Variants in ZNF827 observed in about 807,000 individuals in gnomAD.
ZNF827 encodes the protein zinc finger protein 827.
In ZNF827, 13 loss-of-function variants were observed where a neutral mutation model predicts 102.4. The ratio of observed to expected loss-of-function variants is 0.13; its 90% CI spans 0.08 to 0.20. The LOEUF (loss-of-function observed/expected upper bound fraction) is 0.20. Ranked by LOEUF, ZNF827 falls within the 10% of genes least tolerant of loss-of-function variation. ZNF827 has a pLI of 1.00. For missense variants in ZNF827, 1,103 were observed against 1,344.4 expected (o/e 0.82, Z 2.81); for synonymous variants, 523 against 536.2 (o/e 0.98, Z 0.34).
At chr4:145,931,537 C>T (rs1335405798) in intron 1 of ZNF827, among the ~76,000 whole-genome samples, 1 of 152,194 alleles carries the variant, frequency 6.6e-6, no homozygotes, top group Non-Finnish European at 1.5e-5. Context: ...AAACCTTATG[C>T]TGGAAATCCT....
At chr4:145,920,415 A>G (rs1303720441) in intron 1 of ZNF827, among the ~76,000 whole-genome samples, 1 of 152,138 alleles carries the variant, frequency 6.6e-6, no homozygotes, top group African/African-American at 2.4e-5. Context: ...TCCAACCACA[A>G]AAGTTCTCTC....
In ZNF827 at chr4:145,916,388, TAC is replaced by T. The variant is rs539210682; in HGVS notation, c.44-13175_44-13174del. ...TGGGGTGAACTGGGGGCATGAGCCG[TAC>T]GGGAATGTGGGGAGCAAAGACTTAC... is the stretch of plus-strand genomic sequence containing the variant. On this transcript the variant is annotated intron_variant, in intron 1 of 14. Coordinates refer to ENST00000508784, the MANE Select transcript of ZNF827 (RefSeq NM_001306215.2). Among the ~76,000 whole-genome samples, 400 of 152,282 alleles carry T rather than the reference TAC, an allele frequency of 2.6e-3. 2 individuals are homozygous for T. Among genetic ancestry groups the T allele is most frequent in the African/African-American group, 9.3e-3 (386 of 41,556 alleles).
intron 10 of ZNF827, 99 bp from the exon 11 acceptor site, chr4:145,774,771 G>A (rs1013329983): frequency 7.5e-7 from 1 of 1,331,728 alleles, no homozygotes; most frequent in Non-Finnish European, 1.0e-6. Context: ...CAAGAAAACT[G>A]GAATTTGAAA....
intron 3 of ZNF827, among the ~76,000 whole-genome samples, chr4:145,888,746 T>C (rs10003934): frequency 0.24 from 36,891 of 152,186 alleles, 4,905 homozygotes; most frequent in Non-Finnish European, 0.3. Flanking sequence ...ACCTTTTCTG[T>C]TCAATTTTAG....
chr4:145,909,675 A>G (rs1047104039), intron 1 of ZNF827, among the ~76,000 whole-genome samples: 1 of 152,242 alleles, frequency 6.6e-6, no homozygotes, highest in Non-Finnish European at 1.5e-5. Flanking sequence ...AATGACCTCT[A>G]TAATGTTTAA....
intron 1 of ZNF827, among the ~76,000 whole-genome samples, chr4:145,930,946 T>A (rs1283371184): frequency 2.6e-5 from 4 of 152,130 alleles, no homozygotes; most frequent in Non-Finnish European, 5.9e-5. Flanking sequence ...CAAGCCAAAG[T>A]CTGATTTTAA....
chr4:145,811,822 AT>A (rs1365946347), intron 8 of ZNF827, among the ~76,000 whole-genome samples: 1 of 152,186 alleles, frequency 6.6e-6, no homozygotes, highest in East Asian at 1.9e-4. Flanking sequence ...CGCTAAAATA[AT>A]TTATACTTGA....
chr4:145,907,811 T>C (rs757607367), intron 1 of ZNF827, among the ~76,000 whole-genome samples: 13 of 152,238 alleles, frequency 8.5e-5, no homozygotes, highest in Non-Finnish European at 1.8e-4. Flanking sequence ...TACACAACAG[T>C]CTGTTTTTGT....
chr4:145,796,419 TG>T lies in ZNF827; in HGVS notation c.2384-16909del, dbSNP rs199979219. Among the ~76,000 whole-genome samples, 932 of 152,216 alleles carry T rather than the reference TG, an allele frequency of 6.1e-3. 11 individuals are homozygous for T. Among genetic ancestry groups the T allele is most frequent in the African/African-American group, 0.021 (876 of 41,524 alleles). On this transcript the variant is annotated intron_variant, in intron 8 of 14. Transcript: ENST00000508784. ...GGAGCAAGGAGCAGTGAATTGTTGG[TG>T]GGGAAGGGTGGAAGGGAGACCTTAT... is the stretch of plus-strand genomic sequence containing the variant.
At chr4:145,864,838 CTAGAT>C (rs1748041464) in intron 5 of ZNF827, among the ~76,000 whole-genome samples, 1 of 152,142 alleles carries the variant, frequency 6.6e-6, no homozygotes, top group South Asian at 2.1e-4. Flanking sequence ...TACCACCTAA[CTAGAT>C]AACTTCCAAG....
chr4:145,930,201 T>C (rs779490810), intron 1 of ZNF827, among the ~76,000 whole-genome samples: 1 of 152,172 alleles, frequency 6.6e-6, no homozygotes, highest in Non-Finnish European at 1.5e-5. Flanking sequence ...CTTAGAAACA[T>C]CTATCACCCT....
intron 7 of ZNF827, among the ~76,000 whole-genome samples, chr4:145,842,494 C>T (rs945023279): frequency 1.3e-5 from 2 of 152,216 alleles, no homozygotes; most frequent in Non-Finnish European, 2.9e-5. Context: ...TGGGCTGCTA[C>T]ACTTTTCCTT....
chr4:145,886,008 C>T lies in ZNF827; in HGVS notation c.1417G>A (p.Asp473Asn), dbSNP rs771344817. Residue 473 changes from aspartate to asparagine, a missense_variant, in exon 4 of 15, where the codon GAT (aspartate) becomes AAT (asparagine). Physicochemically the swap from Asp to Asn is conservative, Grantham distance 23. Around this residue, in one of 5 missense-constraint regions of ZNF827, gnomAD observed 157 missense variants for 211.7 expected, o/e 0.74. Transcript: ENST00000508784. Reference protein sequence around the residue: ...AKVKEEIPDPDVKGSPHLSDS... With the variant: ...AKVKEEIPDPNVKGSPHLSDS... ...CTGAGGTGGGGAGATCCCTTGACATCTGGGTCTGGGATCTCCTCCTTCACC... is the reference window on the plus strand; with the variant it reads ...CTGAGGTGGGGAGATCCCTTGACATTTGGGTCTGGGATCTCCTCCTTCACC... 1.9e-6 allele frequency: 3 copies of T among 1,614,192 alleles called. No individual in the cohort carries two copies. The South Asian group carries it at 3.3e-5, about 18-fold the overall frequency.
chr4:145,935,284 A>G (rs1006343580), intron 1 of ZNF827, among the ~76,000 whole-genome samples: 31 of 152,340 alleles, frequency 2.0e-4, no homozygotes, highest in Admixed American at 3.9e-4. Context: ...GGGACTTAGA[A>G]CTACAATTAT....
intron 8 of ZNF827, among the ~76,000 whole-genome samples, chr4:145,810,590 T>C (rs535926812): frequency 2.0e-5 from 3 of 152,378 alleles, no homozygotes; most frequent in African/African-American, 4.8e-5. Flanking sequence ...AAATTATCCA[T>C]GCATATACAA....
chr4:145,808,923 C>T (rs1195564414), intron 8 of ZNF827, among the ~76,000 whole-genome samples: 1 of 152,170 alleles, frequency 6.6e-6, no homozygotes, highest in African/African-American at 2.4e-5. Context: ...GCTTCAGCCT[C>T]CCAAGTAGCT....
At chr4:145,850,394 C>G (rs562198520) in intron 5 of ZNF827, among the ~76,000 whole-genome samples, 2 of 152,302 alleles carry the variant, frequency 1.3e-5, no homozygotes, top group African/African-American at 4.8e-5. Flanking sequence ...AGGGTCAATT[C>G]AACGGAGACA....
At chr4:145,929,689 T>C (rs112808350) in intron 1 of ZNF827, among the ~76,000 whole-genome samples, 33 of 152,126 alleles carry the variant, frequency 2.2e-4, no homozygotes, top group Middle Eastern at 3.4e-3. Flanking sequence ...AAGTTCCAGG[T>C]CAGAAATACC....
At chr4:145,805,728 T>C (rs920786994) in intron 8 of ZNF827, among the ~76,000 whole-genome samples, 1 of 152,196 alleles carries the variant, frequency 6.6e-6, no homozygotes, top group Non-Finnish European at 1.5e-5. Flanking sequence ...CTATTTCAGA[T>C]GACCTGGGGG....
Sources: allele counts gnomAD v4.1 joint callset (sites outside exome capture counted in the v4.1 genomes callset), GRCh38; gene constraint gnomAD v4.1.1; regional missense constraint gnomAD v4.1.1; transcripts MANE v1.5; gene names NCBI Gene and HGNC (gene_info 2026-07-23, HGNC 2026-07-21).